Variants in PARD6G observed in about 807,000 individuals in gnomAD.
PARD6G encodes the protein partitioning defective 6 homolog gamma.
Under a neutral mutation model 10.7 loss-of-function variants are expected in PARD6G, and 7 were observed. The observed-to-expected ratio is 0.66, with a 90% CI of 0.37 to 1.23. The LOEUF is 1.23. PARD6G is among the 50% of genes most tolerant of loss of function. The pLI is 0.02. For synonymous variants in PARD6G, 287 were observed against 269.4 expected (o/e 1.07, Z -0.64); for missense variants, 548 against 571.8 (o/e 0.96, Z 0.42).
intron 2 of PARD6G, among the ~76,000 whole-genome samples, chr18:80,173,614 G>A (rs989954710): frequency 5.5e-5 from 8 of 146,402 alleles, no homozygotes; most frequent in Non-Finnish European, 1.2e-4. Flanking sequence ...GTCAGAGCAA[G>A]ACTTCATCTA....
At position 80,159,970 on chromosome 18, in the gene PARD6G, C is replaced by T; in HGVS notation, c.932G>A (p.Arg311His). The T allele has an allele frequency of 2.7e-6, 4 of 1,497,648 alleles. No homozygotes were observed. Among genetic ancestry groups the T allele is most frequent in the African/African-American group, 1.4e-5 (1 of 70,854 alleles). 92.8% of individuals were successfully genotyped at this position (1,497,648 alleles called of 1,614,324 possible). A position where few individuals can be genotyped will look rare whatever the true frequency, so the allele number is the denominator to read the frequency against. Residue 311 changes from arginine to histidine, a missense_variant, in exon 3 of 3, where the codon CGT (arginine) becomes CAT (histidine). Arg to His is a conservative substitution (Grantham distance 29). Around this residue, in one of 2 missense-constraint regions of PARD6G, gnomAD observed 313 missense variants for 279.9 expected, o/e 1.12. Coordinates refer to ENST00000353265, the MANE Select transcript of PARD6G (RefSeq NM_032510.4). The part of the protein sequence containing the change: ...VVIEGTLEPA[R>H]PPQTPGAPAG... ...GGGCGCGCCCGGGGTCTGGGGGGGACGTGCAGGCTCCAGTGTGCCCTCGAT... is the reference window on the plus strand; with the variant it reads ...GGGCGCGCCCGGGGTCTGGGGGGGATGTGCAGGCTCCAGTGTGCCCTCGAT...
At position 80,247,274 on chromosome 18, in the gene PARD6G, T is replaced by A; in HGVS notation, c.72+3A>T. 6.3e-7 allele frequency: 1 copy of A among 1,575,186 alleles called. No individual in the cohort carries two copies. Among genetic ancestry groups the A allele is most frequent in the Non-Finnish European group, 8.6e-7 (1 of 1,161,336 alleles). On this transcript the variant is annotated splice_donor_region_variant and intron_variant, in intron 1 of 2. Coordinates refer to ENST00000353265, the MANE Select transcript of PARD6G (RefSeq NM_032510.4). This position sits in a 1 kb window ranked among gnomAD's most constrained non-coding sequence, Gnocchi z 4.2. Reference sequence around the variant, plus strand: ...GGGCCGCCGGGGCGGGCGGGGGGCTTACCTTGCTCTTGACTTCCACTGCGC... The same window carrying A: ...GGGCCGCCGGGGCGGGCGGGGGGCTAACCTTGCTCTTGACTTCCACTGCGC...
rs969005087 is a variant in PARD6G, at chr18:80,188,822, T to C, written c.295+13888A>G. On this transcript the variant is annotated intron_variant, in intron 2 of 2. Coordinates refer to ENST00000353265, the MANE Select transcript of PARD6G (RefSeq NM_032510.4). This position sits in a 1 kb window ranked among gnomAD's most constrained non-coding sequence, Gnocchi z 5.4. ...ATGTGGGAGAGACAAGCCCACGAGATGGGCTTGCGGGGAAGTCAGGCGGGT... is the reference window on the plus strand; with the variant it reads ...ATGTGGGAGAGACAAGCCCACGAGACGGGCTTGCGGGGAAGTCAGGCGGGT... Among the ~76,000 whole-genome samples, 4 of 152,248 alleles carry C rather than the reference T, an allele frequency of 2.6e-5. No homozygotes were observed. Among genetic ancestry groups the C allele is most frequent in the African/African-American group, 7.2e-5 (3 of 41,532 alleles).
intron 2 of PARD6G, among the ~76,000 whole-genome samples, chr18:80,187,265 G>A (rs2052884998): frequency 6.6e-6 from 1 of 152,176 alleles, no homozygotes; most frequent in African/African-American, 2.4e-5. Flanking sequence ...TGGCACGCGT[G>A]GGTGGGTGCT....
intron 2 of PARD6G, among the ~76,000 whole-genome samples, chr18:80,197,119 G>A (rs1263946142): frequency 6.6e-6 from 1 of 152,112 alleles, no homozygotes; most frequent in Non-Finnish European, 1.5e-5. Context: ...CCTAGGCGGT[G>A]TCCGAGGAAA....
At position 80,189,005 on chromosome 18, in the gene PARD6G, G is replaced by A. The variant is rs2052894121; in HGVS notation, c.295+13705C>T. Among the ~76,000 whole-genome samples, 1 of 152,228 alleles carries A rather than the reference G, an allele frequency of 6.6e-6. No homozygotes were observed. The highest frequency in any genetic ancestry group is 2.4e-5 in the African/African-American group (1 of 41,452). On this transcript the variant is annotated intron_variant, in intron 2 of 2. Coordinates refer to ENST00000353265, the MANE Select transcript of PARD6G (RefSeq NM_032510.4). The surrounding 1 kb of genome is among the most constrained non-coding windows in gnomAD (Gnocchi z 5.5). The stretch of plus-strand genomic sequence containing the variant: ...GGCGTTGCCCAGCCCGGGGTTGCCT[G>A]ACACTCTCTGGGGCAGAGAACCCAG...
chr18:80,223,356 C>T (rs1967253236), intron 1 of PARD6G, among the ~76,000 whole-genome samples: 1 of 152,120 alleles, frequency 6.6e-6, no homozygotes, highest in Non-Finnish European at 1.5e-5. Context: ...AAAATATTTG[C>T]AAATCAGATC....
intron 1 of PARD6G, among the ~76,000 whole-genome samples, chr18:80,235,117 T>G (rs1967404959): frequency 6.6e-6 from 1 of 152,036 alleles, no homozygotes; most frequent in South Asian, 2.1e-4. Flanking sequence ...AGTAAAGCAC[T>G]CCTCAGCAAA....
chr18:80,232,997 C>G (rs1456067775), intron 1 of PARD6G, among the ~76,000 whole-genome samples: 3 of 152,148 alleles, frequency 2.0e-5, no homozygotes, highest in Non-Finnish European at 4.4e-5. Context: ...GGCTGCTCAT[C>G]TCCTGAGGAG....
At position 80,158,481 on chromosome 18, in the gene PARD6G, G is replaced by C. The variant is rs2052670706; in HGVS notation, c.*1290C>G. 6.6e-6 allele frequency: 1 copy of C among 152,274 alleles called. No individual in the cohort carries two copies. The highest frequency in any genetic ancestry group is 1.5e-5 in the Non-Finnish European group (1 of 68,062). 9.4% of individuals were successfully genotyped at this position (152,274 alleles called of 1,614,324 possible). Reference sequence around the variant, plus strand: ...ATCCCAAATGGGACTGCTGAGCCCAGTCCAGCAGAGCTGCTGCTTCCTACC... The same window carrying C: ...ATCCCAAATGGGACTGCTGAGCCCACTCCAGCAGAGCTGCTGCTTCCTACC... On this transcript the variant is annotated 3_prime_UTR_variant, in exon 3 of 3. Transcript: ENST00000353265.
intron 2 of PARD6G, among the ~76,000 whole-genome samples, chr18:80,178,639 G>A (rs1211377027): frequency 6.6e-6 from 1 of 152,132 alleles, no homozygotes; most frequent in Non-Finnish European, 1.5e-5. Context: ...CCCTAGCAAC[G>A]CCGACTCTCA....
Position 80,231,876 on chromosome 18 carries a change from CT to C in PARD6G, c.72+15400del, listed in dbSNP as rs1967361598. On this transcript the variant is annotated intron_variant, in intron 1 of 2. Coordinates refer to ENST00000353265, the MANE Select transcript of PARD6G (RefSeq NM_032510.4). The surrounding 1 kb of genome is among the most constrained non-coding windows in gnomAD (Gnocchi z 4.2). ...AGTTGCAAGCACAGTAAAGGCAGACCTCTTGCATGTATGGAGTTATAATAGC... is the reference window on the plus strand; with the variant it reads ...AGTTGCAAGCACAGTAAAGGCAGACCCTTGCATGTATGGAGTTATAATAGC... Among the ~76,000 whole-genome samples, 1 of 152,106 alleles carries C rather than the reference CT, an allele frequency of 6.6e-6. No individual in the cohort carries two copies.
In PARD6G at chr18:80,192,688, G is replaced by C. The variant is rs1381828465; in HGVS notation, c.295+10022C>G. On this transcript the variant is annotated intron_variant, in intron 2 of 2. Transcript: ENST00000353265. The surrounding 1 kb of genome is among the most constrained non-coding windows in gnomAD (Gnocchi z 4.9). ...TGTGGTCCAGAACACCAAAGACAAG[G>C]AGGGAAGAATGATAAGAGTGAAAGA... is the stretch of plus-strand genomic sequence containing the variant. 6.6e-6 allele frequency among the ~76,000 whole-genome samples: 1 copy of C among 152,204 alleles called. No homozygotes were observed. The highest frequency in any genetic ancestry group is 2.4e-5 in the African/African-American group (1 of 41,454).
Position 80,161,045 on chromosome 18 carries a change from AAGAG to A in PARD6G, c.296-443_296-440del, listed in dbSNP as rs1173610754. The stretch of plus-strand genomic sequence containing the variant: ...TTTTTTTCTAAGGTTAATTACAACT[AAGAG>A]AGACCTTTCCTGCTTTCTTCTTTTC... On this transcript the variant is annotated intron_variant, in intron 2 of 2. Coordinates refer to ENST00000353265, the MANE Select transcript of PARD6G (RefSeq NM_032510.4). The surrounding 1 kb of genome is among the most constrained non-coding windows in gnomAD (Gnocchi z 4.6). Among the ~76,000 whole-genome samples the A allele has an allele frequency of 1.3e-5, 2 of 152,158 alleles. No individual in the cohort carries two copies. Among genetic ancestry groups the A allele is most frequent in the Non-Finnish European group, 2.9e-5 (2 of 68,026 alleles).
In PARD6G at chr18:80,207,078, C is replaced by T. The variant is rs568394371; in HGVS notation, c.73-4146G>A. On this transcript the variant is annotated intron_variant, in intron 1 of 2. Coordinates refer to ENST00000353265, the MANE Select transcript of PARD6G (RefSeq NM_032510.4). Reference sequence around the variant, plus strand: ...GATGGCTAGTGATTATCAATAAATACTTAACAGTAAATGAAAGATTCTTCC... The same window carrying T: ...GATGGCTAGTGATTATCAATAAATATTTAACAGTAAATGAAAGATTCTTCC... Among the ~76,000 whole-genome samples, 465 of 131,892 alleles carry T rather than the reference C, an allele frequency of 3.5e-3. 4 individuals carry two copies. The highest frequency in any genetic ancestry group is 0.011 in the African/African-American group (444 of 38,970). 86.5% of individuals were successfully genotyped at this position (131,892 alleles called of 152,430 possible). A position where few individuals can be genotyped will look rare whatever the true frequency, so the allele number is the denominator to read the frequency against.
chr18:80,194,053 G>T (rs964943028), intron 2 of PARD6G, among the ~76,000 whole-genome samples: 1 of 152,170 alleles, frequency 6.6e-6, no homozygotes, highest in Non-Finnish European at 1.5e-5. Flanking sequence ...TCCAAATCTT[G>T]CTTACGTTTC....
intron 1 of PARD6G, among the ~76,000 whole-genome samples, chr18:80,203,704 A>G (rs748311852): frequency 3.3e-5 from 5 of 152,204 alleles, no homozygotes; most frequent in Non-Finnish European, 5.9e-5. Flanking sequence ...GAGAGGACGC[A>G]AGGCCGGATG....
intron 1 of PARD6G, among the ~76,000 whole-genome samples, chr18:80,239,373 C>A (rs1967463946): frequency 6.6e-6 from 1 of 152,032 alleles, no homozygotes; most frequent in African/African-American, 2.4e-5. Flanking sequence ...ACAGGGGTAC[C>A]CTGGGCTACA....
chr18:80,197,824 C>A (rs1019862243), intron 2 of PARD6G, among the ~76,000 whole-genome samples: 3 of 152,252 alleles, frequency 2.0e-5, no homozygotes, highest in African/African-American at 7.2e-5. Flanking sequence ...CTTGGGGAGG[C>A]AGGGGAACAG....
Sources: allele counts gnomAD v4.1 joint callset (sites outside exome capture counted in the v4.1 genomes callset), GRCh38; gene constraint gnomAD v4.1.1; regional missense constraint gnomAD v4.1.1; non-coding constraint Gnocchi (gnomAD v3.1); transcripts MANE v1.5; gene names NCBI Gene and HGNC (gene_info 2026-07-23, HGNC 2026-07-21).